ARHGEF38: variants seen among roughly 807,000 people sequenced by gnomAD.
ARHGEF38 encodes Rho guanine nucleotide exchange factor 38.
A neutral mutation model predicts 79.9 loss-of-function variants in ARHGEF38; 79 were observed. The ratio of observed to expected loss-of-function variants is 0.99; its 90% confidence interval spans 0.82 to 1.19. The LOEUF (loss-of-function observed/expected upper bound fraction) is 1.19, where lower values mean the gene tolerates loss of function less well. Among genes scored for constraint, ARHGEF38 ranks in the 50% most tolerant of loss-of-function variants. The pLI is 0.00. For synonymous variants in ARHGEF38, 366 were observed against 328.3 expected, an observed-to-expected ratio of 1.11 and a Z score of -1.24; for missense variants, 962 against 907.2, an observed-to-expected ratio of 1.06 and a Z score of -0.78.
At chr4:105,666,356 C>G (rs1730749434) in intron 11 of ARHGEF38, 36 bp downstream of exon 11, 1 of 1,490,478 alleles carries the variant, frequency 6.7e-7, no homozygotes, top group African/African-American at 1.4e-5. Context: ...TGATAACTTT[C>G]ACCTCTTTGC....
chr4:105,667,088 A>G (rs1730777784), intron 11 of ARHGEF38, 41 bp from the exon 12 acceptor site: 6 of 1,444,772 alleles, frequency 4.2e-6, no homozygotes, highest in African/African-American at 1.4e-5. Flanking sequence ...GGATTTTATT[A>G]TGTATCTGTC....
At chr4:105,640,493 A>G (rs1027973694) in intron 5 of ARHGEF38, among the ~76,000 whole-genome samples, 3 of 152,040 alleles carry the variant, frequency 2.0e-5, no homozygotes, top group African/African-American at 7.2e-5. Flanking sequence ...CATCTCCCCA[A>G]AAGAGCCCCT....
chr4:105,615,039 G>A (rs1728456349), intron 3 of ARHGEF38, among the ~76,000 whole-genome samples: 1 of 152,202 alleles, frequency 6.6e-6, no homozygotes, highest in Non-Finnish European at 1.5e-5. Context: ...TTCAACAATA[G>A]GGTCCATGTT....
chr4:105,565,029 G>A (rs1263203028), intron 1 of ARHGEF38, among the ~76,000 whole-genome samples: 1 of 152,232 alleles, frequency 6.6e-6, no homozygotes, highest in Admixed American at 6.5e-5. Context: ...TCTGTGCTAT[G>A]CTGATCACTG....
intron 13 of ARHGEF38, among the ~76,000 whole-genome samples, chr4:105,669,288 A>C (rs759138963): frequency 7.9e-5 from 12 of 152,190 alleles, no homozygotes; most frequent in Admixed American, 2.6e-4. Flanking sequence ...ACAGTATTTA[A>C]TTTTATGTAT....
At chr4:105,656,467 G>T (rs768698318) in intron 9 of ARHGEF38, among the ~76,000 whole-genome samples, 1 of 152,094 alleles carries the variant, frequency 6.6e-6, no homozygotes, top group Non-Finnish European at 1.5e-5. Context: ...TTGTTCCACG[G>T]TAAAACATTT....
chr4:105,616,524 A>G (rs1728515515), intron 3 of ARHGEF38, among the ~76,000 whole-genome samples: 2 of 152,104 alleles, frequency 1.3e-5, no homozygotes, highest in African/African-American at 4.8e-5. Flanking sequence ...GAACTCACTC[A>G]CTATCACAAG....
At chr4:105,573,225 A>T (rs1726322985) in intron 1 of ARHGEF38, among the ~76,000 whole-genome samples, 1 of 152,126 alleles carries the variant, frequency 6.6e-6, no homozygotes, top group Non-Finnish European at 1.5e-5. Context: ...TGATGCACAA[A>T]CTTTAAAATT....
intron 1 of ARHGEF38, among the ~76,000 whole-genome samples, chr4:105,585,026 TC>T (rs1726967571): frequency 6.6e-6 from 1 of 152,308 alleles, no homozygotes; most frequent in East Asian, 1.9e-4. Flanking sequence ...CTATTTTTTT[TC>T]CTCTTCCTCT....
chr4:105,572,320 T>G (rs1726278182), intron 1 of ARHGEF38, among the ~76,000 whole-genome samples: 1 of 152,184 alleles, frequency 6.6e-6, no homozygotes, highest in African/African-American at 2.4e-5. Context: ...GCTATGTCTA[T>G]TCTATTTGCA....
At chr4:105,639,594 T>C (rs1261767795) in intron 5 of ARHGEF38, among the ~76,000 whole-genome samples, 1 of 152,042 alleles carries the variant, frequency 6.6e-6, no homozygotes, top group Non-Finnish European at 1.5e-5. Context: ...GTTTTATTTA[T>C]GGCTAGTTAA....
At chr4:105,592,934 C>T (rs1727408225) in intron 2 of ARHGEF38, among the ~76,000 whole-genome samples, 1 of 152,116 alleles carries the variant, frequency 6.6e-6, no homozygotes, top group Non-Finnish European at 1.5e-5. Flanking sequence ...TGGATTCTAT[C>T]CCCTCAGACT....
chr4:105,651,222 C>T (rs1486964667), intron 7 of ARHGEF38, among the ~76,000 whole-genome samples: 1 of 152,166 alleles, frequency 6.6e-6, no homozygotes, highest in East Asian at 1.9e-4. Context: ...GATTTTTCCC[C>T]TTAATCTTTT....
chr4:105,629,207 G>A (rs1729080931), intron 3 of ARHGEF38, among the ~76,000 whole-genome samples: 1 of 152,106 alleles, frequency 6.6e-6, no homozygotes, highest in Non-Finnish European at 1.5e-5. Flanking sequence ...TTCTTTCCAA[G>A]TGCATCACCT....
chr4:105,570,679 C>A (rs527423534), intron 1 of ARHGEF38, among the ~76,000 whole-genome samples: 1 of 152,282 alleles, frequency 6.6e-6, no homozygotes, highest in South Asian at 2.1e-4. Flanking sequence ...CCTTATGATT[C>A]AATTACCTCC....
intron 1 of ARHGEF38, among the ~76,000 whole-genome samples, chr4:105,565,234 G>C (rs558229433): frequency 6.6e-6 from 1 of 152,268 alleles, no homozygotes; most frequent in African/African-American, 2.4e-5. Context: ...CAGAGTCTCA[G>C]AGGGTCTGTT....
intron 1 of ARHGEF38, among the ~76,000 whole-genome samples, chr4:105,587,403 T>C (rs1290069274): frequency 6.6e-6 from 1 of 152,226 alleles, no homozygotes; most frequent in African/African-American, 2.4e-5. Flanking sequence ...CATGCATTCA[T>C]TCTCTCTCCT....
chr4:105,627,101 T>C (rs1728979905), intron 3 of ARHGEF38, among the ~76,000 whole-genome samples: 1 of 152,188 alleles, frequency 6.6e-6, no homozygotes, highest in Admixed American at 6.5e-5. Context: ...CTTGGTGTCC[T>C]GTATAATTTC....
intron 2 of ARHGEF38, among the ~76,000 whole-genome samples, chr4:105,592,279 AT>A (rs1455294642): frequency 6.6e-6 from 1 of 151,860 alleles, no homozygotes; most frequent in Non-Finnish European, 1.5e-5. Context: ...CCTCAATCCC[AT>A]TCAGCCACTC....
Sources: allele counts gnomAD v4.1 joint callset (sites outside exome capture counted in the v4.1 genomes callset), GRCh38; gene constraint gnomAD v4.1.1; transcripts MANE v1.5; gene names NCBI Gene and HGNC (gene_info 2026-07-23, HGNC 2026-07-21).